LRRC7: variants seen among roughly 807,000 people sequenced by gnomAD.
The protein encoded by LRRC7 is leucine-rich repeat-containing protein 7.
Under a neutral mutation model 175.7 loss-of-function variants are expected in LRRC7, and 23 were observed. The ratio of observed to expected loss-of-function variants is 0.13; its 90% CI spans 0.09 to 0.19. The LOEUF (loss-of-function observed/expected upper bound fraction) is 0.19, where lower values mean the gene tolerates loss of function less well. Among genes scored for constraint, LRRC7 ranks in the 10% least tolerant of loss-of-function variants. The probability of loss-of-function intolerance (pLI) is 1.00; values close to 1 mark genes in which losing one functional copy is unlikely to be tolerated. For synonymous variants in LRRC7, 685 were observed against 680.9 expected (o/e 1.01, Z -0.09); for missense variants, 1,354 against 1,904.7 (o/e 0.71, Z 5.38).
intron 7 of LRRC7, among the ~76,000 whole-genome samples, chr1:69,910,522 G>A (rs980848597): frequency 6.6e-6 from 1 of 152,144 alleles, no homozygotes; most frequent in Admixed American, 6.5e-5. Context: ...AGCAGACCTT[G>A]GTGAACCACA....
Position 70,132,761 on chromosome 1 carries a change from G to A in LRRC7, c.*10874G>A, listed in dbSNP as rs1041877064. ...ACGGGGATTACAGGCGTGAGACACC[G>A]CGCCCGGCCGTACTTTTCTTAAATA... On this transcript the variant is annotated 3_prime_UTR_variant, in exon 27 of 27. Coordinates refer to ENST00000651989, the MANE Select transcript of LRRC7 (RefSeq NM_001370785.2). 2.0e-5 allele frequency among the ~76,000 whole-genome samples: 3 copies of A among 151,998 alleles called. No homozygotes were observed. The highest frequency in any genetic ancestry group is 7.2e-5 in the African/African-American group (3 of 41,406).
At chr1:69,758,392 A>G (rs1670668054) in intron 2 of LRRC7, among the ~76,000 whole-genome samples, 1 of 152,014 alleles carries the variant, frequency 6.6e-6, no homozygotes, top group Non-Finnish European at 1.5e-5. Context: ...ACCTGTCCCT[A>G]GAATATCCTT....
chr1:69,879,222 A>AC (rs1374030711), intron 7 of LRRC7, among the ~76,000 whole-genome samples: 4 of 123,474 alleles, frequency 3.2e-5, no homozygotes, highest in Admixed American at 8.1e-5. Context: ...TAAAAAAAAA[A>AC]AAAAAAAAAA....
At chr1:69,804,373 A>T (rs1225185869) in intron 4 of LRRC7, among the ~76,000 whole-genome samples, 1 of 151,486 alleles carries the variant, frequency 6.6e-6, no homozygotes, top group Non-Finnish European at 1.5e-5. Flanking sequence ...ATTTTTACAT[A>T]CCTGGAACAT....
At chr1:69,968,560 A>G (rs1570844844) in intron 8 of LRRC7, among the ~76,000 whole-genome samples, 1 of 152,196 alleles carries the variant, frequency 6.6e-6, no homozygotes. Flanking sequence ...CAAAAACACC[A>G]GGTAACCTAT....
intron 8 of LRRC7, among the ~76,000 whole-genome samples, chr1:69,978,416 C>G (rs1024313334): frequency 4.6e-5 from 7 of 152,154 alleles, no homozygotes; most frequent in South Asian, 2.1e-4. Context: ...CTCTGCATAT[C>G]AGAGTGTGCT....
chr1:69,749,819 T>C (rs1414304321), intron 2 of LRRC7, among the ~76,000 whole-genome samples: 1 of 151,926 alleles, frequency 6.6e-6, no homozygotes, highest in Non-Finnish European at 1.5e-5. Flanking sequence ...ATCCCAGCAC[T>C]TTGGGAGGCT....
chr1:69,699,228 G>C (rs1663018819), intron 2 of LRRC7, among the ~76,000 whole-genome samples: 1 of 152,144 alleles, frequency 6.6e-6, no homozygotes. Flanking sequence ...ACTACTGTGA[G>C]CTATTATCAT....
At chr1:69,796,817 A>G (rs1675839582) in intron 4 of LRRC7, among the ~76,000 whole-genome samples, 1 of 151,978 alleles carries the variant, frequency 6.6e-6, no homozygotes, top group Non-Finnish European at 1.5e-5. Context: ...AAAAACAACA[A>G]CAACAAAAAA....
At chr1:69,629,651 A>G (rs1000880402) in intron 1 of LRRC7, among the ~76,000 whole-genome samples, 2 of 152,108 alleles carry the variant, frequency 1.3e-5, no homozygotes, top group African/African-American at 4.8e-5. Flanking sequence ...ACTCTTTAGT[A>G]TGTCACTTTA....
chr1:69,780,726 T>C (rs962133200), intron 3 of LRRC7, among the ~76,000 whole-genome samples: 5 of 152,208 alleles, frequency 3.3e-5, no homozygotes, highest in Non-Finnish European at 5.9e-5. Context: ...AATTATTTCT[T>C]TGAAACAACT....
chr1:70,040,060 AG>A (rs1659729429), intron 21 of LRRC7, among the ~76,000 whole-genome samples: 1 of 152,208 alleles, frequency 6.6e-6, no homozygotes, highest in South Asian at 2.1e-4. Context: ...ACTCCATTAG[AG>A]GGGATGGTGC....
In LRRC7 at chr1:70,130,925, A is replaced by T. The variant is rs1450498862; in HGVS notation, c.*9038A>T. Among the ~76,000 whole-genome samples, 1 of 152,214 alleles carries T rather than the reference A, an allele frequency of 6.6e-6. No individual in the cohort carries two copies. The highest frequency in any genetic ancestry group is 1.5e-5 in the Non-Finnish European group (1 of 68,036). Reference sequence around the variant, plus strand: ...TGCCCGTCCTTTAAGTAGATAAAAGAATAGTCTGTCTACAGGCTGTTGGCC... The same window carrying T: ...TGCCCGTCCTTTAAGTAGATAAAAGTATAGTCTGTCTACAGGCTGTTGGCC... On this transcript the variant is annotated 3_prime_UTR_variant, in exon 27 of 27. Coordinates refer to ENST00000651989, the MANE Select transcript of LRRC7 (RefSeq NM_001370785.2).
intron 11 of LRRC7, among the ~76,000 whole-genome samples, chr1:69,995,674 A>T (rs1654879989): frequency 6.6e-6 from 1 of 151,514 alleles, no homozygotes; most frequent in Non-Finnish European, 1.5e-5. Flanking sequence ...TGTTCTTGCG[A>T]TAGTTTACTC....
chr1:70,011,964 A>G (rs781308944), intron 12 of LRRC7, 38 bp downstream of exon 12: 1 of 1,496,240 alleles, frequency 6.7e-7, no homozygotes, highest in East Asian at 2.3e-5. Flanking sequence ...TTAACTTTTA[A>G]TTAATCTGTT....
chr1:69,737,939 G>A (rs997875654), intron 2 of LRRC7, among the ~76,000 whole-genome samples: 1 of 152,150 alleles, frequency 6.6e-6, no homozygotes, highest in African/African-American at 2.4e-5. Context: ...CAAAGGGAAG[G>A]ATGGGCTTTG....
intron 1 of LRRC7, among the ~76,000 whole-genome samples, chr1:69,647,858 C>T (rs1655224299): frequency 6.6e-6 from 1 of 152,028 alleles, no homozygotes; most frequent in South Asian, 2.1e-4. Flanking sequence ...TGTATACTTG[C>T]TATTTGCTTC....
At chr1:69,569,235 C>T (rs570757219) in intron 1 of LRRC7, among the ~76,000 whole-genome samples, 84 of 151,666 alleles carry the variant, frequency 5.5e-4, no homozygotes, top group African/African-American at 1.8e-3. Flanking sequence ...ATGGAGGGGA[C>T]GAAGGAACAT....
intron 7 of LRRC7, among the ~76,000 whole-genome samples, chr1:69,881,482 C>G (rs1385223693): frequency 6.6e-6 from 1 of 152,018 alleles, no homozygotes; most frequent in Non-Finnish European, 1.5e-5. Context: ...CTGTCACTTC[C>G]GTTTGAATTA....
Sources: gnomAD v4.1 joint callset for allele counts (sites outside exome capture counted in the v4.1 genomes callset) on GRCh38, gnomAD v4.1.1 for gene constraint, MANE v1.5 for transcripts, NCBI Gene and HGNC (gene_info 2026-07-23, HGNC 2026-07-21) for gene names.